Variants in TENM1 observed in about 807,000 individuals in gnomAD.
TENM1 encodes teneurin transmembrane protein 1, also known as teneurin-1.
TENM1 carries 35 observed loss-of-function variants against 174.8 expected under a neutral mutation model. The observed-to-expected ratio is 0.20, with a 90% CI of 0.15 to 0.27. The LOEUF is 0.27. Among genes scored for constraint, TENM1 ranks in the 10% least tolerant of loss-of-function variants. The pLI is 1.00. For synonymous variants in TENM1, 781 were observed against 798.7 expected (o/e 0.98, Z 0.37); for missense variants, 1,633 against 2,130.1 (o/e 0.77, Z 4.59).
chrX:124,667,051 C>T (rs929152072), intron 6 of TENM1, among the ~76,000 whole-genome samples: 2 of 111,978 alleles, frequency 1.8e-5, no homozygotes, highest in Non-Finnish European at 3.8e-5. Flanking sequence ...TACCTTCTCT[C>T]CTAGTCCCAG....
chrX:124,438,605 T>G (rs1477624047), intron 23 of TENM1, among the ~76,000 whole-genome samples: 1 of 112,034 alleles, frequency 8.9e-6, no homozygotes, highest in Non-Finnish European at 1.9e-5. Flanking sequence ...GAGTTTTATT[T>G]ATGTGATAAA....
At chrX:125,069,082 G>C in the TENM1 span, among the ~76,000 whole-genome samples, 14 of 111,420 alleles carry the variant, frequency 1.3e-4, no homozygotes, top group African/African-American at 4.2e-4. Flanking sequence ...GGGGGGTTGA[G>C]CTTCTAGTGC....
the TENM1 span, among the ~76,000 whole-genome samples, chrX:125,131,484 A>T: frequency 9.0e-6 from 1 of 111,657 alleles, no homozygotes; most frequent in Non-Finnish European, 1.9e-5. Context: ...ATCCTCATCA[A>T]CTGCTGTCCA....
At chrX:124,948,746 G>A (rs1274962127) in intron 1 of TENM1, among the ~76,000 whole-genome samples, 2 of 111,882 alleles carry the variant, frequency 1.8e-5, no homozygotes, top group Non-Finnish European at 3.8e-5. Flanking sequence ...TAGAGATGGT[G>A]TTTCACCATA....
chrX:124,912,894 A>C lies in TENM1; in HGVS notation c.218-16653T>G, dbSNP rs749888199. On this transcript the variant is annotated intron_variant, in intron 1 of 31. Coordinates refer to ENST00000422452, the Ensembl canonical transcript of TENM1. ...GGGCCTTAGGAGAGGTGTGAAAAGA[A>C]AGCTAACTGGAAAGGCCATTTTGAA... Among the ~76,000 whole-genome samples, 6 of 111,573 alleles carry C rather than the reference A, an allele frequency of 5.4e-5. No homozygotes were observed. The East Asian group carries it at 1.7e-3, about 31-fold the overall frequency.
At chrX:125,033,175 G>A in the TENM1 span, among the ~76,000 whole-genome samples, 2 of 111,740 alleles carry the variant, frequency 1.8e-5, no homozygotes, top group African/African-American at 6.5e-5. Flanking sequence ...ACCCCAAGAT[G>A]AATTAGACAT....
At chrX:124,767,244 T>C (rs2054556463) in intron 3 of TENM1, among the ~76,000 whole-genome samples, 1 of 111,829 alleles carries the variant, frequency 8.9e-6, no homozygotes, top group Admixed American at 9.5e-5. Context: ...ACCTCTTCTG[T>C]GATGCTTTCT....
the TENM1 span, among the ~76,000 whole-genome samples, chrX:125,046,754 C>T: frequency 9.0e-6 from 1 of 111,108 alleles, no homozygotes; most frequent in Non-Finnish European, 1.9e-5. Flanking sequence ...GAACTAACTT[C>T]CCAAAAAGCC....
the TENM1 span, among the ~76,000 whole-genome samples, chrX:124,993,808 G>T: frequency 2.8e-5 from 3 of 107,559 alleles, no homozygotes; most frequent in Non-Finnish European, 5.7e-5. Context: ...ATGCATACGT[G>T]TGCATGCACA....
intron 19 of TENM1, 34 bp from the exon 23 acceptor site, chrX:124,497,299 A>G (rs372393774): frequency 2.3e-4 from 268 of 1,159,050 alleles, no homozygotes; most frequent in Non-Finnish European, 3.0e-4. Context: ...AGAATTTAAG[A>G]AAAGCAATTA....
chrX:124,977,209 A>G, the TENM1 span, among the ~76,000 whole-genome samples: 1 of 111,885 alleles, frequency 8.9e-6, no homozygotes, highest in African/African-American at 3.2e-5. Context: ...GACTCAAATA[A>G]AAGAATACAC....
the TENM1 span, among the ~76,000 whole-genome samples, chrX:125,190,061 A>G: frequency 9.0e-6 from 1 of 111,579 alleles, no homozygotes; most frequent in East Asian, 2.8e-4. Flanking sequence ...TGGGACGTTT[A>G]CTCAAAGACT....
At chrX:124,610,516 C>T (rs1252588494) in intron 11 of TENM1, among the ~76,000 whole-genome samples, 1 of 111,391 alleles carries the variant, frequency 9.0e-6, no homozygotes, top group Admixed American at 9.5e-5. Context: ...ATTGTCAACT[C>T]AACTCTTTGA....
At chrX:124,875,980 C>T (rs962799831) in intron 3 of TENM1, among the ~76,000 whole-genome samples, 11 of 103,970 alleles carry the variant, frequency 1.1e-4, no homozygotes, top group African/African-American at 2.2e-4. Flanking sequence ...TATATATATA[C>T]GTTTGTATGT....
intron 11 of TENM1, among the ~76,000 whole-genome samples, chrX:124,592,435 T>G (rs1376888005): frequency 1.8e-5 from 1 of 55,565 alleles, no homozygotes; most frequent in Non-Finnish European, 3.2e-5. Context: ...ATATTATTGG[T>G]TTTTTTTTTT....
In TENM1 at chrX:124,860,438, G is replaced by C. The variant is rs1422895191; in HGVS notation, c.535+33858C>G. Among the ~76,000 whole-genome samples the C allele has an allele frequency of 1.3e-4, 15 of 111,955 alleles. No individual in the cohort carries two copies. The Admixed American group carries it at 1.4e-3, about 11-fold the overall frequency. ...AGAAGGAGAGAGCCAGAACACTGAA[G>C]AACATGCAGCAGTCTTTTCTCATCC... On this transcript the variant is annotated intron_variant, in intron 3 of 31. Coordinates refer to ENST00000422452, the Ensembl canonical transcript of TENM1.
the TENM1 span, among the ~76,000 whole-genome samples, chrX:125,118,445 A>C: frequency 1.8e-5 from 2 of 112,187 alleles, no homozygotes; most frequent in African/African-American, 6.5e-5. Context: ...AAAGATTAAA[A>C]GTTTTTGTCT....
chrX:124,531,580 T>G (rs1440467433), intron 15 of TENM1, among the ~76,000 whole-genome samples: 4 of 112,552 alleles, frequency 3.6e-5, no homozygotes, highest in Non-Finnish European at 5.6e-5. Context: ...TTGTGTATTT[T>G]CTGAACTCTC....
At chrX:125,173,968 A>G in the TENM1 span, among the ~76,000 whole-genome samples, 1 of 111,936 alleles carries the variant, frequency 8.9e-6, no homozygotes, top group East Asian at 2.8e-4. Context: ...GGATGGAAAT[A>G]AAGGACATTA....
Sources: gnomAD v4.1 joint callset for allele counts (sites outside exome capture counted in the v4.1 genomes callset) on GRCh38, gnomAD v4.1.1 for gene constraint, MANE v1.5 for transcripts, NCBI Gene and HGNC (gene_info 2026-07-23, HGNC 2026-07-21) for gene names.